Variants in IFNAR2 observed in about 807,000 individuals in gnomAD.
IFNAR2 encodes the protein interferon alpha/beta receptor 2.
IFNAR2 carries 30 observed loss-of-function variants against 49.4 expected under a neutral mutation model. The ratio of observed to expected loss-of-function variants is 0.61; its 90% CI spans 0.45 to 0.82. The LOEUF (loss-of-function observed/expected upper bound fraction) is 0.82. IFNAR2 is among the 40% of genes least tolerant of loss of function. The pLI is 0.00. For missense variants in IFNAR2, 600 were observed against 622.7 expected, an observed-to-expected ratio of 0.96 and a Z score of 0.39; for synonymous variants, 224 against 234.5, an observed-to-expected ratio of 0.96 and a Z score of 0.41.
At chr21:33,234,843 C>A in intron 1 of IFNAR2, 2 of 638,178 alleles carry the variant, frequency 3.1e-6, no homozygotes, top group Non-Finnish European at 3.9e-6. Flanking sequence ...TAAGTGAAAG[C>A]AAGTTTATTA....
chr21:33,243,573 A>G, intron 2 of IFNAR2, 100 bp from the exon 3 acceptor site: 1 of 1,077,802 alleles, frequency 9.3e-7, no homozygotes, highest in South Asian at 1.3e-5. Flanking sequence ...TCAATCTGAT[A>G]CCAATAAATG....
At chr21:33,237,078 G>GATATGTGTGTGTGT (rs3223272) in intron 1 of IFNAR2, among the ~76,000 whole-genome samples, 2 of 147,590 alleles carry the variant, frequency 1.4e-5, no homozygotes, top group African/African-American at 5.0e-5. Flanking sequence ...GGGAGAATGG[G>GATATGTGTGTGTGT]GTGTGTGTGT....
At chr21:33,252,056 C>A (rs925996342) in intron 6 of IFNAR2, 1 of 370,542 alleles carries the variant, frequency 2.7e-6, no homozygotes, top group Non-Finnish European at 5.7e-6. Context: ...GCACTCCAGC[C>A]TGGGCAACAG....
At chr21:33,250,382 A>G (rs1268065616) in intron 6 of IFNAR2, among the ~76,000 whole-genome samples, 1 of 152,210 alleles carries the variant, frequency 6.6e-6, no homozygotes, top group African/African-American at 2.4e-5. Flanking sequence ...ACTGTAGTTA[A>G]TAGGCATCTT....
At chr21:33,237,540 A>C (rs533007213) in intron 1 of IFNAR2, among the ~76,000 whole-genome samples, 28 of 152,302 alleles carry the variant, frequency 1.8e-4, no homozygotes, top group African/African-American at 6.7e-4. Context: ...GTCTCAAAAA[A>C]TAAAGAAGTT....
chr21:33,242,616 C>T (rs1246744320), intron 2 of IFNAR2, among the ~76,000 whole-genome samples: 1 of 146,908 alleles, frequency 6.8e-6, no homozygotes, highest in African/African-American at 2.5e-5. Flanking sequence ...GCCTGTAGTC[C>T]CAGCTACTTG....
In IFNAR2 at chr21:33,230,654, G is replaced by C; in HGVS notation, c.-84+438G>C. On this transcript the variant is annotated intron_variant, in intron 1 of 8. Coordinates refer to ENST00000342136, the MANE Select transcript of IFNAR2 (RefSeq NM_001289125.3). The surrounding 1 kb of genome is among the most constrained non-coding windows in gnomAD (Gnocchi z 5.5). ...TGGGTGCTCAGGTTCGGGATCTCCA[G>C]CCCGCCCCCTTGAGGTCCCCTGGGA... 2 of 465,164 alleles carry C rather than the reference G, an allele frequency of 4.3e-6. No individual in the cohort carries two copies. The highest frequency in any genetic ancestry group is 1.6e-5 in the South Asian group (1 of 63,860). 28.8% of individuals were successfully genotyped at this position (465,164 alleles called of 1,614,324 possible).
chr21:33,230,089 C>G lies in IFNAR2; in HGVS notation c.-211C>G. 1.0e-6 allele frequency: 1 copy of G among 988,172 alleles called. No individual in the cohort carries two copies. The highest frequency in any genetic ancestry group is 1.2e-6 in the Non-Finnish European group (1 of 831,168). The allele number at this position is 988,172 out of a possible 1,614,324, so 61.2% of individuals were successfully genotyped here. On this transcript the variant is annotated 5_prime_UTR_variant, in exon 1 of 9. Transcript: ENST00000342136. The surrounding 1 kb of genome is among the most constrained non-coding windows in gnomAD (Gnocchi z 5.5). Reference sequence around the variant, plus strand: ...CCGCACGGGCCGCTTTTGTCCCCCGCCCGCCGCTTCTGTCCGAGAGGCCGC... The same window carrying G: ...CCGCACGGGCCGCTTTTGTCCCCCGGCCGCCGCTTCTGTCCGAGAGGCCGC...
intron 7 of IFNAR2, among the ~76,000 whole-genome samples, chr21:33,256,766 C>T (rs1293258066): frequency 6.6e-6 from 1 of 152,174 alleles, no homozygotes; most frequent in Non-Finnish European, 1.5e-5. Flanking sequence ...GTGAACAAAA[C>T]AGATTAAAAA....
Position 33,263,646 on chromosome 21 carries a change from A to G in IFNAR2, c.*146A>G. 1.5e-6 allele frequency: 1 copy of G among 677,442 alleles called. No individual in the cohort carries two copies. Among genetic ancestry groups the G allele is most frequent in the East Asian group, 2.7e-5 (1 of 36,782 alleles). The allele number at this position is 677,442 out of a possible 1,614,324, so 42.0% of individuals were successfully genotyped here. Reference sequence around the variant, plus strand: ...GTGTTCCTTTCTTCCAGGTGACATCACCTATGCACATTCCCAGTATGGGGA... The same window carrying G: ...GTGTTCCTTTCTTCCAGGTGACATCGCCTATGCACATTCCCAGTATGGGGA... On this transcript the variant is annotated 3_prime_UTR_variant, in exon 9 of 9. Transcript: ENST00000342136.
chr21:33,248,727 A>G lies in IFNAR2; in HGVS notation c.413A>G (p.Glu138Gly). The G allele has an allele frequency of 6.2e-7, 1 of 1,607,946 alleles. No individual in the cohort carries two copies. Among genetic ancestry groups the G allele is most frequent in the East Asian group, 2.3e-5 (1 of 44,338 alleles). Residue 138 changes from glutamate to glycine, a missense_variant, in exon 6 of 9, where the codon GAG (glutamate) becomes GGG (glycine). By Grantham distance (98) the Glu-to-Gly change is moderately conservative. Coordinates refer to ENST00000342136, the MANE Select transcript of IFNAR2 (RefSeq NM_001289125.3). ...LAIDMSFEPP[E>G]FEIVGFTNHI... ...TGCACAGTGTCTTTTGAACCACCAGAGTTTGAGATTGTTGGTTTTACCAAC... is the reference window on the plus strand; with the variant it reads ...TGCACAGTGTCTTTTGAACCACCAGGGTTTGAGATTGTTGGTTTTACCAAC...
At position 33,230,816 on chromosome 21, in the gene IFNAR2, C is replaced by A. The variant is rs117258653; in HGVS notation, c.-84+600C>A. The stretch of plus-strand genomic sequence containing the variant: ...TGGCCGCGGAGACAGAAGGGTGCAC[C>A]CTCCCAGGGTCGGAGAGGGGAGATA... On this transcript the variant is annotated intron_variant, in intron 1 of 8. Transcript: ENST00000342136. This position sits in a 1 kb window ranked among gnomAD's most constrained non-coding sequence, Gnocchi z 5.5. Among the ~76,000 whole-genome samples, 19 of 152,102 alleles carry A rather than the reference C, an allele frequency of 1.2e-4. No homozygotes were observed. The highest frequency in any genetic ancestry group is 2.5e-4 in the Non-Finnish European group (17 of 68,018).
chr21:33,244,327 A>G (rs1987224527), intron 3 of IFNAR2, among the ~76,000 whole-genome samples: 1 of 152,226 alleles, frequency 6.6e-6, no homozygotes, highest in South Asian at 2.1e-4. Flanking sequence ...TCCCACCTAC[A>G]TGACATTGTA....
intron 1 of IFNAR2, among the ~76,000 whole-genome samples, chr21:33,232,206 T>G (rs894989600): frequency 1.3e-5 from 2 of 152,204 alleles, no homozygotes; most frequent in Admixed American, 1.3e-4. Context: ...TTTTATAATT[T>G]GTGAAATATT....
Position 33,263,592 on chromosome 21 carries a change from T to C in IFNAR2, c.*92T>C. On this transcript the variant is annotated 3_prime_UTR_variant, in exon 9 of 9. Coordinates refer to ENST00000342136, the MANE Select transcript of IFNAR2 (RefSeq NM_001289125.3). ...CTTGCTGCCTTATCGTCTGCAAGTGTTCTCCAAGGGAAGGAGGAGGAAACT... is the reference window on the plus strand; with the variant it reads ...CTTGCTGCCTTATCGTCTGCAAGTGCTCTCCAAGGGAAGGAGGAGGAAACT... 2 of 1,231,992 alleles carry C rather than the reference T, an allele frequency of 1.6e-6. No homozygotes were observed. The highest frequency in any genetic ancestry group is 3.0e-5 in the South Asian group (2 of 66,464). 76.3% of individuals were successfully genotyped at this position (1,231,992 alleles called of 1,614,324 possible).
Position 33,246,759 on chromosome 21 carries a change from C to A in IFNAR2, c.263C>A (p.Thr88Asn). Residue 88 changes from threonine to asparagine, a missense_variant, in exon 5 of 9, where the codon ACC becomes AAC. Physicochemically the swap from Thr to Asn is moderately conservative, Grantham distance 65. Transcript: ENST00000342136. ...AAGGTGGTTAAGAACTGTGCAAATA[C>A]CACAAGATCATTTTGTGACCTCACA... ...DLKVVKNCAN[T>N]TRSFCDLTDE... is the part of the protein sequence containing the mutation. The A allele has an allele frequency of 6.2e-7, 1 of 1,613,770 alleles. No homozygotes were observed. Among genetic ancestry groups the A allele is most frequent in the Non-Finnish European group, 8.5e-7 (1 of 1,179,704 alleles).
intron 4 of IFNAR2, 22 bp downstream of exon 4, chr21:33,245,096 C>T: frequency 6.4e-7 from 1 of 1,556,350 alleles, no homozygotes; most frequent in African/African-American, 1.4e-5. Flanking sequence ...ATTTCATTTT[C>T]TCTTGGTAAA....
chr21:33,239,650 G>T (rs568365641), intron 1 of IFNAR2, among the ~76,000 whole-genome samples: 1 of 149,456 alleles, frequency 6.7e-6, no homozygotes, highest in Non-Finnish European at 1.5e-5. Context: ...GTGAGCTACA[G>T]CTCTCAATGT....
intron 4 of IFNAR2, among the ~76,000 whole-genome samples, chr21:33,246,418 T>C (rs542782661): frequency 2.0e-5 from 3 of 152,274 alleles, no homozygotes; most frequent in Admixed American, 6.5e-5. Flanking sequence ...GGGGTCCAAC[T>C]GTGAACCAAA....
Sources: gnomAD v4.1 joint callset for allele counts (sites outside exome capture counted in the v4.1 genomes callset) on GRCh38, gnomAD v4.1.1 for gene constraint, Gnocchi (gnomAD v3.1) non-coding constraint, MANE v1.5 for transcripts, NCBI Gene and HGNC (gene_info 2026-07-23, HGNC 2026-07-21) for gene names.